Variants in GNAS-AS1 observed in about 807,000 individuals in gnomAD.
GNAS-AS1 encodes the protein GNAS antisense RNA 1 (non-protein coding).
chr20:58,841,294 G>A lies in GNAS-AS1; in HGVS notation n.819+643C>T. 5.6e-6 allele frequency: 6 copies of A among 1,071,884 alleles called. No homozygotes were observed. Among genetic ancestry groups the A allele is most frequent in the Non-Finnish European group, 6.8e-6 (6 of 882,470 alleles). 66.4% of individuals were successfully genotyped at this position (1,071,884 alleles called of 1,614,324 possible). On this transcript the variant is annotated intron_variant and non_coding_transcript_variant, in intron 4 of 4. Coordinates refer to ENST00000424094, the Ensembl canonical transcript of GNAS-AS1. This position sits in a 1 kb window ranked among gnomAD's most constrained non-coding sequence, Gnocchi z 5.0. Reference sequence around the variant, plus strand: ...CTCAAATAAGTTGGCCTTCTCAGGTGTCCAAAATGTGGTTCGGAGGTGCGC... The same window carrying A: ...CTCAAATAAGTTGGCCTTCTCAGGTATCCAAAATGTGGTTCGGAGGTGCGC...
In GNAS-AS1 at chr20:58,840,250, C is replaced by A; in HGVS notation, n.819+1687G>T. Reference sequence around the variant, plus strand: ...CGCTCCTCCGCGCCCTTGCCACCTCCAACGCCCGTGCCCAGCAGCGCGCGG... The same window carrying A: ...CGCTCCTCCGCGCCCTTGCCACCTCAAACGCCCGTGCCCAGCAGCGCGCGG... On this transcript the variant is annotated intron_variant and non_coding_transcript_variant, in intron 4 of 4. Coordinates refer to ENST00000424094, the Ensembl canonical transcript of GNAS-AS1. This position sits in a 1 kb window ranked among gnomAD's most constrained non-coding sequence, Gnocchi z 6.0. The A allele has an allele frequency of 6.2e-7, 1 of 1,611,422 alleles. No individual in the cohort carries two copies. Among genetic ancestry groups the A allele is most frequent in the Non-Finnish European group, 8.5e-7 (1 of 1,179,812 alleles).
chr20:58,841,724 G>C lies in GNAS-AS1; in HGVS notation n.819+213C>G. ...TTGGGGATGCCCCTACGGGCTACCA[G>C]GGTTGAACGCACAGGCATGGTCACG... On this transcript the variant is annotated intron_variant and non_coding_transcript_variant, in intron 4 of 4. Coordinates refer to ENST00000424094, the Ensembl canonical transcript of GNAS-AS1. This position sits in a 1 kb window ranked among gnomAD's most constrained non-coding sequence, Gnocchi z 5.0. 8.2e-7 allele frequency: 1 copy of C among 1,222,964 alleles called. No individual in the cohort carries two copies. The highest frequency in any genetic ancestry group is 1.0e-6 in the Non-Finnish European group (1 of 982,732). 75.8% of individuals were successfully genotyped at this position (1,222,964 alleles called of 1,614,324 possible). A position where few individuals can be genotyped will look rare whatever the true frequency, so the allele number is the denominator to read the frequency against.
chr20:58,839,905 C>T lies in GNAS-AS1; in HGVS notation n.819+2032G>A, dbSNP rs2085655295. The T allele has an allele frequency of 4.9e-6, 3 of 606,330 alleles. No homozygotes were observed. The South Asian group carries it at 5.9e-5, about 12-fold the overall frequency. The allele number at this position is 606,330 out of a possible 1,614,324, so 37.6% of individuals were successfully genotyped here. On this transcript the variant is annotated intron_variant and non_coding_transcript_variant, in intron 4 of 4. Coordinates refer to ENST00000424094, the Ensembl canonical transcript of GNAS-AS1. Reference sequence around the variant, plus strand: ...TTCTTGCTCAGAGAGGCAAGCAAGGCGCGGAGCTTTAGAAAGTTCTTAAGT... The same window carrying T: ...TTCTTGCTCAGAGAGGCAAGCAAGGTGCGGAGCTTTAGAAAGTTCTTAAGT...
chr20:58,830,490 CCA>C (rs2085556300), intron 4 of GNAS-AS1, among the ~76,000 whole-genome samples: 1 of 56,644 alleles, frequency 1.8e-5, no homozygotes, highest in African/African-American at 6.7e-5. Flanking sequence ...ACCATCACCA[CCA>C]TCACCACCAC....
At chr20:58,847,175 G>A (rs1323812107) in intron 2 of GNAS-AS1, among the ~76,000 whole-genome samples, 1 of 152,026 alleles carries the variant, frequency 6.6e-6, no homozygotes, top group Non-Finnish European at 1.5e-5. Flanking sequence ...TGAGTGAAGG[G>A]GTCTGAACTC....
At chr20:58,848,471 C>T (rs1438341725) in intron 2 of GNAS-AS1, among the ~76,000 whole-genome samples, 1 of 152,228 alleles carries the variant, frequency 6.6e-6, no homozygotes, top group Non-Finnish European at 1.5e-5. Flanking sequence ...TATCTTTTCC[C>T]ATGATGGCAA....
Position 58,840,040 on chromosome 20 carries a change from A to G in GNAS-AS1, n.819+1897T>C, listed in dbSNP as rs531607158. The G allele has an allele frequency of 1.7e-5, 26 of 1,564,282 alleles. No individual in the cohort carries two copies. In the East Asian group the frequency reaches 2.7e-4, roughly 16 times the overall value. ...GTACCTTTCCCGGCTCCAGCAGCCA[A>G]TGTGCTTCGGAGCCACTCTCTGCAG... On this transcript the variant is annotated intron_variant and non_coding_transcript_variant, in intron 4 of 4. Coordinates refer to ENST00000424094, the Ensembl canonical transcript of GNAS-AS1. The surrounding 1 kb of genome is among the most constrained non-coding windows in gnomAD (Gnocchi z 6.0).
intron 4 of GNAS-AS1, chr20:58,839,977 G>A (rs2085656693): frequency 1.0e-6 from 1 of 967,952 alleles, no homozygotes; most frequent in Non-Finnish European, 1.6e-6. Flanking sequence ...AAGGAGGTGA[G>A]GCTGGGACCT....
At chr20:58,839,875 CCTT>C (rs1326761790) in intron 4 of GNAS-AS1, 15 of 597,626 alleles carry the variant, frequency 2.5e-5, no homozygotes, top group Admixed American at 1.2e-4. Context: ...TTTTCCCATC[CCTT>C]CTTCTTGCTC....
intron 4 of GNAS-AS1, chr20:58,834,090 C>G (rs112883843): frequency 1.3e-5 from 2 of 152,246 alleles, no homozygotes; most frequent in African/African-American, 4.8e-5. Flanking sequence ...TTTCTCCCCT[C>G]CGGGCTCGAG....
intron 4 of GNAS-AS1, chr20:58,836,348 G>A (rs1050774047): frequency 2.0e-5 from 3 of 152,178 alleles, no homozygotes; most frequent in East Asian, 1.9e-4. Context: ...AACTACCACC[G>A]ATAGGTTCTA....
intron 4 of GNAS-AS1, among the ~76,000 whole-genome samples, chr20:58,833,364 G>A (rs1325504437): frequency 2.0e-5 from 3 of 152,206 alleles, no homozygotes; most frequent in Non-Finnish European, 4.4e-5. Context: ...AACAATGGAT[G>A]GGGAAGCGGG....
intron 4 of GNAS-AS1, among the ~76,000 whole-genome samples, chr20:58,836,734 C>T (rs2085606068): frequency 6.6e-6 from 1 of 152,204 alleles, no homozygotes; most frequent in Non-Finnish European, 1.5e-5. Context: ...TCCATTTGCT[C>T]GACCTCGGCA....
At chr20:58,822,479 G>A (rs1376777958) in intron 4 of GNAS-AS1, among the ~76,000 whole-genome samples, 1 of 152,216 alleles carries the variant, frequency 6.6e-6, no homozygotes, top group Non-Finnish European at 1.5e-5. Context: ...ACCAGGAGAA[G>A]TCAAATGGCC....
chr20:58,840,227 C>T lies in GNAS-AS1; in HGVS notation n.819+1710G>A. 2 of 1,611,106 alleles carry T rather than the reference C, an allele frequency of 1.2e-6. No homozygotes were observed. Among genetic ancestry groups the T allele is most frequent in the Non-Finnish European group, 1.7e-6 (2 of 1,179,812 alleles). ...CCTCTGGCTCTCCTGCTCCATCGCGCTCCTCCGCGCCCTTGCCACCTCCAA... is the reference window on the plus strand; with the variant it reads ...CCTCTGGCTCTCCTGCTCCATCGCGTTCCTCCGCGCCCTTGCCACCTCCAA... On this transcript the variant is annotated intron_variant and non_coding_transcript_variant, in intron 4 of 4. Transcript: ENST00000424094. The surrounding 1 kb of genome is among the most constrained non-coding windows in gnomAD (Gnocchi z 6.0).
At chr20:58,822,897 G>A (rs1465025302) in intron 4 of GNAS-AS1, among the ~76,000 whole-genome samples, 1 of 152,074 alleles carries the variant, frequency 6.6e-6, no homozygotes, top group African/African-American at 2.4e-5. Context: ...CCCGACCTAG[G>A]GCTGGGCTCT....
intron 2 of GNAS-AS1, among the ~76,000 whole-genome samples, chr20:58,846,341 T>C (rs1233776085): frequency 6.6e-6 from 1 of 152,038 alleles, no homozygotes; most frequent in African/African-American, 2.4e-5. Flanking sequence ...AGCTCAACAT[T>C]AGGAAGGGCA....
intron 4 of GNAS-AS1, among the ~76,000 whole-genome samples, chr20:58,827,422 G>A (rs1007325677): frequency 1.7e-4 from 26 of 152,242 alleles, no homozygotes; most frequent in Non-Finnish European, 3.5e-4. Flanking sequence ...GTAGAGAAGT[G>A]CAGTGTAGCC....
At chr20:58,821,501 T>A (rs4810146) in intron 4 of GNAS-AS1, among the ~76,000 whole-genome samples, 88,218 of 152,014 alleles carry the variant, frequency 0.58, 25,977 homozygotes, top group South Asian at 0.68. Flanking sequence ...TTTTCCCATA[T>A]GTTTGCTATG....
Sources: gnomAD v4.1 joint callset for allele counts (sites outside exome capture counted in the v4.1 genomes callset) on GRCh38, gnomAD v4.1.1 for gene constraint, Gnocchi (gnomAD v3.1) non-coding constraint, MANE v1.5 for transcripts, NCBI Gene and HGNC (gene_info 2026-07-23, HGNC 2026-07-21) for gene names.